HDAC9: variants seen among roughly 807,000 people sequenced by gnomAD.
The protein encoded by HDAC9 is MEF-2 interacting transcription repressor (MITR) protein.
HDAC9 carries 41 observed loss-of-function variants against 139.4 expected under a neutral mutation model. The observed-to-expected ratio is 0.29, with a 90% confidence interval of 0.23 to 0.38. HDAC9 has a LOEUF of 0.38. Among genes scored for constraint, HDAC9 ranks in the 10% least tolerant of loss-of-function variants. The probability of loss-of-function intolerance (pLI) is 1.00; values close to 1 mark genes in which losing one functional copy is unlikely to be tolerated. For missense variants in HDAC9, 1,147 were observed against 1,297.0 expected, an observed-to-expected ratio of 0.88 and a Z score of 1.78; for synonymous variants, 517 against 476.2, an observed-to-expected ratio of 1.09 and a Z score of -1.12.
At chr7:18,255,463 C>T (rs1795169367) in intron 2 of HDAC9, among the ~76,000 whole-genome samples, 1 of 151,980 alleles carries the variant, frequency 6.6e-6, no homozygotes, top group South Asian at 2.1e-4. Flanking sequence ...AAGGGAGGAG[C>T]TGTTTGATTT....
chr7:18,717,123 T>TA (rs1456187203), intron 12 of HDAC9, among the ~76,000 whole-genome samples: 1 of 151,034 alleles, frequency 6.6e-6, no homozygotes, highest in Admixed American at 6.6e-5. Context: ...GACCAGTGAG[T>TA]ACCTGGGGGC....
At chr7:18,788,138 C>G (rs1233351304) in intron 16 of HDAC9, among the ~76,000 whole-genome samples, 1 of 152,136 alleles carries the variant, frequency 6.6e-6, no homozygotes, top group Non-Finnish European at 1.5e-5. Context: ...CAGATTAACT[C>G]CTGATTACTG....
intron 25 of HDAC9, among the ~76,000 whole-genome samples, chr7:18,985,684 C>A (rs1429366224): frequency 1.4e-5 from 2 of 145,504 alleles, no homozygotes; most frequent in East Asian, 3.9e-4. Context: ...ACAGTCCCAC[C>A]AACAGTGTAA....
chr7:18,305,107 C>T (rs1399495059), intron 1 of HDAC9, among the ~76,000 whole-genome samples: 3 of 152,174 alleles, frequency 2.0e-5, no homozygotes, highest in Non-Finnish European at 4.4e-5. Flanking sequence ...ATCTGGGTAG[C>T]ACCTTTCCCT....
chr7:18,152,675 C>T (rs554012271), intron 1 of HDAC9, among the ~76,000 whole-genome samples: 1 of 152,234 alleles, frequency 6.6e-6, no homozygotes, highest in East Asian at 1.9e-4. Context: ...AACAACTCCC[C>T]CAGCTCTGAA....
intron 1 of HDAC9, among the ~76,000 whole-genome samples, chr7:18,455,984 T>A (rs1554424506): frequency 6.6e-6 from 1 of 152,086 alleles, no homozygotes; most frequent in Non-Finnish European, 1.5e-5. Context: ...AGAAGAAGCT[T>A]TTTTACTTGC....
intron 14 of HDAC9, among the ~76,000 whole-genome samples, chr7:18,750,836 T>C (rs1423400983): frequency 6.6e-6 from 1 of 152,234 alleles, no homozygotes. Flanking sequence ...TCATCTGCTC[T>C]GCAATTTTTG....
chr7:18,993,400 A>T (rs894858912), intron 25 of HDAC9, among the ~76,000 whole-genome samples: 2 of 152,208 alleles, frequency 1.3e-5, no homozygotes, highest in African/African-American at 4.8e-5. Context: ...TTCAAAGTCA[A>T]ATTTTCGAAA....
At chr7:18,354,264 C>G (rs1050320555) in intron 1 of HDAC9, among the ~76,000 whole-genome samples, 2 of 152,266 alleles carry the variant, frequency 1.3e-5, no homozygotes, top group African/African-American at 4.8e-5. Flanking sequence ...CCATTTATTA[C>G]ATTTGCCACT....
In HDAC9 at chr7:18,634,656, T is replaced by G. The variant is rs748761162; in HGVS notation, c.826T>G (p.Ser276Ala). 14 of 1,588,966 alleles carry G rather than the reference T, an allele frequency of 8.8e-6. No homozygotes were observed. The highest frequency in any genetic ancestry group is 1.2e-5 in the Non-Finnish European group (14 of 1,166,250). The change falls in exon 8 of 26, where the codon TCT becomes GCT. Residue 276 changes from serine (S) to alanine (A), a missense_variant. Transcript: ENST00000686413. ...ESSVSSSSPG[S>A]GPSSPNNGPT... ...CTCAGTCAGTAGCAGTTCTCCAGGCTCTGGTCCCAGTTCACCAAACAATGG... is the reference window on the plus strand; with the variant it reads ...CTCAGTCAGTAGCAGTTCTCCAGGCGCTGGTCCCAGTTCACCAAACAATGG...
chr7:18,950,601 C>T (rs1332786349), intron 23 of HDAC9, among the ~76,000 whole-genome samples: 1 of 151,924 alleles, frequency 6.6e-6, no homozygotes, highest in East Asian at 1.9e-4. Context: ...CTTTAAATGG[C>T]TCACAACAAA....
intron 2 of HDAC9, among the ~76,000 whole-genome samples, chr7:18,506,688 C>T (rs1799866890): frequency 2.0e-5 from 3 of 151,870 alleles, no homozygotes; most frequent in Admixed American, 2.0e-4. Context: ...GGCAAGTATA[C>T]ATCATGAATG....
chr7:18,425,785 G>A (rs993267827), intron 1 of HDAC9, among the ~76,000 whole-genome samples: 1 of 152,174 alleles, frequency 6.6e-6, no homozygotes, highest in African/African-American at 2.4e-5. Context: ...TTTCTAGAAC[G>A]AACTGCAAGT....
At chr7:18,544,161 T>C (rs901338369) in intron 2 of HDAC9, among the ~76,000 whole-genome samples, 1 of 152,208 alleles carries the variant, frequency 6.6e-6, no homozygotes, top group Admixed American at 6.5e-5. Context: ...ATTTAGCTAA[T>C]TGATGTTGCT....
intron 1 of HDAC9, among the ~76,000 whole-genome samples, chr7:18,465,402 TG>T (rs1794185843): frequency 6.6e-6 from 1 of 152,104 alleles, no homozygotes; most frequent in South Asian, 2.1e-4. Flanking sequence ...AGTCCTTCAC[TG>T]TGATCCTTCA....
chr7:18,567,287 A>T (rs1396597337), intron 2 of HDAC9, among the ~76,000 whole-genome samples: 2 of 152,108 alleles, frequency 1.3e-5, no homozygotes, highest in African/African-American at 4.8e-5. Flanking sequence ...TCTCCCCCCT[A>T]ACTGGGCAAG....
intron 25 of HDAC9, among the ~76,000 whole-genome samples, chr7:18,995,528 G>A (rs1272917237): frequency 1.3e-5 from 2 of 152,142 alleles, no homozygotes; most frequent in East Asian, 1.9e-4. Flanking sequence ...GCAACAATTT[G>A]CTAATCAAAT....
intron 24 of HDAC9, among the ~76,000 whole-genome samples, chr7:18,955,140 C>G (rs1176421392): frequency 1.3e-5 from 2 of 152,032 alleles, no homozygotes; most frequent in African/African-American, 4.8e-5. Flanking sequence ...ATTTTGAAGA[C>G]TTTTAGGGAA....
intron 12 of HDAC9, among the ~76,000 whole-genome samples, chr7:18,684,749 C>G (rs1393334537): frequency 6.6e-6 from 1 of 151,872 alleles, no homozygotes; most frequent in African/African-American, 2.4e-5. Flanking sequence ...AAGTAACCCC[C>G]TACACACAAT....
Sources: allele counts gnomAD v4.1 joint callset (sites outside exome capture counted in the v4.1 genomes callset), GRCh38; gene constraint gnomAD v4.1.1; transcripts MANE v1.5; gene names NCBI Gene and HGNC (gene_info 2026-07-23, HGNC 2026-07-21).